Variants in ZNF677 observed in about 807,000 individuals in gnomAD.
ZNF677 encodes the protein zinc finger protein 677, also known as hypothetical protein MGC48625.
ZNF677 carries 5 observed loss-of-function variants against 8.1 expected under a neutral mutation model. The ratio of observed to expected loss-of-function variants is 0.62; its 90% CI spans 0.32 to 1.29. The LOEUF is 1.29. ZNF677 is among the 50% of genes most tolerant of loss of function. ZNF677 has a pLI of 0.05. For synonymous variants in ZNF677, 221 were observed against 225.6 expected, an observed-to-expected ratio of 0.98 and a Z score of 0.18; for missense variants, 685 against 685.9, an observed-to-expected ratio of 1.00 and a Z score of 0.01.
At position 53,235,518 on chromosome 19, in the gene ZNF677, A is replaced by T. The variant is rs2090965782; in HGVS notation, c.*1454T>A. On this transcript the variant is annotated 3_prime_UTR_variant, in exon 5 of 5. Coordinates refer to ENST00000598513, the MANE Select transcript of ZNF677 (RefSeq NM_182609.4). Reference sequence around the variant, plus strand: ...TAAGAACACTACTCTGGTTCTTTTGATGGAACTGTCCTCTATGGTAACCAT... The same window carrying T: ...TAAGAACACTACTCTGGTTCTTTTGTTGGAACTGTCCTCTATGGTAACCAT... 6.6e-6 allele frequency: 1 copy of T among 152,214 alleles called. No homozygotes were observed. Among genetic ancestry groups the T allele is most frequent in the Admixed American group, 6.5e-5 (1 of 15,278 alleles). 9.4% of individuals were successfully genotyped at this position (152,214 alleles called of 1,614,324 possible).
In ZNF677 at chr19:53,237,772, A is replaced by G; in HGVS notation, c.955T>C (p.Tyr319His). ...HQRVHTGEKP[Y>H]QCNICGKVCS... ...ACCTTGCCACATATATTACATTGAT[A>G]TGGTTTCTCTCCTGTATGGACTCTC... Residue 319 changes from tyrosine to histidine, a missense_variant, in exon 5 of 5, where the codon TAT becomes CAT. Coordinates refer to ENST00000598513, the MANE Select transcript of ZNF677 (RefSeq NM_182609.4). 6.2e-7 allele frequency: 1 copy of G among 1,613,374 alleles called. No individual in the cohort carries two copies. Among genetic ancestry groups the G allele is most frequent in the Non-Finnish European group, 8.5e-7 (1 of 1,179,760 alleles).
At chr19:53,240,161 TAC>T (rs775903475) in intron 4 of ZNF677, 8 of 152,262 alleles carry the variant, frequency 5.3e-5, no homozygotes, top group Non-Finnish European at 8.8e-5. Flanking sequence ...AGTCATTCTT[TAC>T]ACAGTGTGTG....
At chr19:53,239,039 T>C (rs1420155972) in intron 4 of ZNF677, 1 of 151,926 alleles carries the variant, frequency 6.6e-6, no homozygotes, top group African/African-American at 2.4e-5. Context: ...AAAGAAAAAA[T>C]TCGGAAGAAT....
intron 1 of ZNF677, among the ~76,000 whole-genome samples, chr19:53,253,523 T>C (rs2091267013): frequency 6.6e-6 from 1 of 152,138 alleles, no homozygotes; most frequent in African/African-American, 2.4e-5. Flanking sequence ...ATCCCGTCTC[T>C]GCTAAAAATA....
intron 3 of ZNF677, among the ~76,000 whole-genome samples, chr19:53,247,829 C>T (rs2091170703): frequency 6.6e-6 from 1 of 152,124 alleles, no homozygotes; most frequent in African/African-American, 2.4e-5. Context: ...CTTTTTACAT[C>T]CTTTTATTAT....
rs1599913460 is a variant in ZNF677, at chr19:53,237,970, A to G, written c.757T>C (p.Tyr253His). Residue 253 changes from tyrosine to histidine, a missense_variant, in exon 5 of 5, where the codon TAT becomes CAT. Physicochemically the swap from Tyr to His is moderately conservative, Grantham distance 83. Transcript: ENST00000598513. ...TTTTCTCTAATGTGTGTTCTCCCATACTGTGTATGTAATAAAGGGTATTTC... is the reference window on the plus strand; with the variant it reads ...TTTTCTCTAATGTGTGTTCTCCCATGCTGTGTATGTAATAAAGGGTATTTC... ...ILKYPLLHTQYGRTHIREKSY... is the reference protein window; with the variant it reads ...ILKYPLLHTQHGRTHIREKSY... The G allele has an allele frequency of 6.2e-7, 1 of 1,612,756 alleles. No homozygotes were observed. The highest frequency in any genetic ancestry group is 1.3e-5 in the African/African-American group (1 of 75,038).
chr19:53,237,337 A>G lies in ZNF677; in HGVS notation c.1390T>C (p.Cys464Arg), dbSNP rs753218520. Residue 464 changes from cysteine to arginine, a missense_variant, in exon 5 of 5, where the codon TGT (cysteine) becomes CGT (arginine). Transcript: ENST00000598513. ...GAACGTTTGATAAAAGCTTTATCACATTTATTACATTTGTAAGGTTTTTCT... is the reference window on the plus strand; with the variant it reads ...GAACGTTTGATAAAAGCTTTATCACGTTTATTACATTTGTAAGGTTTTTCT... Reference protein sequence around the residue: ...TGEKPYKCNKCDKAFIKRSHL... With the variant: ...TGEKPYKCNKRDKAFIKRSHL... 6.8e-6 allele frequency: 11 copies of G among 1,613,658 alleles called. No homozygotes were observed. The highest frequency in any genetic ancestry group is 8.5e-6 in the Non-Finnish European group (10 of 1,179,952).
Position 53,235,886 on chromosome 19 carries a change from A to G in ZNF677, c.*1086T>C, listed in dbSNP as rs985977302. On this transcript the variant is annotated 3_prime_UTR_variant, in exon 5 of 5. Coordinates refer to ENST00000598513, the MANE Select transcript of ZNF677 (RefSeq NM_182609.4). ...GCACAAACCCCCATGCTCTTATAGT[A>G]TATTGTATATTAGTGTTCTTGGCTG... 4 of 152,326 alleles carry G rather than the reference A, an allele frequency of 2.6e-5. No homozygotes were observed. Among genetic ancestry groups the G allele is most frequent in the Admixed American group, 6.6e-5 (1 of 15,264 alleles). The allele number at this position is 152,326 out of a possible 1,614,324, so 9.4% of individuals were successfully genotyped here.
chr19:53,245,324 C>G (rs1913333878), intron 3 of ZNF677, among the ~76,000 whole-genome samples: 1 of 151,918 alleles, frequency 6.6e-6, no homozygotes, highest in African/African-American at 2.4e-5. Flanking sequence ...AAGAAACAAC[C>G]AACAGAACAA....
chr19:53,248,691 T>A (rs1360134874), intron 3 of ZNF677, among the ~76,000 whole-genome samples: 1 of 152,206 alleles, frequency 6.6e-6, no homozygotes, highest in Non-Finnish European at 1.5e-5. Context: ...TTTTTGAGGG[T>A]CACTGTACAT....
intron 3 of ZNF677, among the ~76,000 whole-genome samples, chr19:53,251,006 G>A (rs1462769624): frequency 6.6e-6 from 1 of 152,124 alleles, no homozygotes; most frequent in African/African-American, 2.4e-5. Context: ...CATCCCCAAT[G>A]TCTACTTCTG....
At position 53,238,192 on chromosome 19, in the gene ZNF677, C is replaced by G; in HGVS notation, c.535G>C (p.Ala179Pro). The G allele has an allele frequency of 3.7e-6, 6 of 1,613,728 alleles. No individual in the cohort carries two copies. Among genetic ancestry groups the G allele is most frequent in the Non-Finnish European group, 5.1e-6 (6 of 1,179,868 alleles). Residue 179 changes from alanine to proline, a missense_variant, in exon 5 of 5, where the codon GCC becomes CCC. Physicochemically the swap from Ala to Pro is conservative, Grantham distance 27. Coordinates refer to ENST00000598513, the MANE Select transcript of ZNF677 (RefSeq NM_182609.4). ...LLKLKNNIRYAGNKYVKCFEN... is the reference protein window; with the variant it reads ...LLKLKNNIRYPGNKYVKCFEN... ...AAACACTTCACGTATTTGTTTCCGG[C>G]ATACCTTATGTTATTTTTCAGTTTT...
At chr19:53,252,948 G>A (rs1456811627) in intron 2 of ZNF677, 138 bp downstream of exon 2, 1 of 152,146 alleles carries the variant, frequency 6.6e-6, no homozygotes, top group Admixed American at 6.5e-5. Flanking sequence ...TTGACCAGAA[G>A]TCTACTGAAA....
At chr19:53,246,895 A>G (rs2091152358) in intron 3 of ZNF677, among the ~76,000 whole-genome samples, 1 of 152,182 alleles carries the variant, frequency 6.6e-6, no homozygotes, top group African/African-American at 2.4e-5. Flanking sequence ...GAAATAATAA[A>G]GACAGCAAGA....
At chr19:53,251,683 C>A in intron 2 of ZNF677, 78 bp from the exon 3 acceptor site, 1 of 1,007,644 alleles carries the variant, frequency 9.9e-7, no homozygotes, top group South Asian at 1.7e-5. Flanking sequence ...CAGGAAGAGG[C>A]TTGATATAGA....
intron 1 of ZNF677, among the ~76,000 whole-genome samples, chr19:53,253,682 G>A (rs1362347421): frequency 1.3e-5 from 2 of 151,208 alleles, no homozygotes; most frequent in East Asian, 2.0e-4. Flanking sequence ...GTGAGACTCC[G>A]TCTCAAAAAA....
At chr19:53,249,468 G>C (rs2091199756) in intron 3 of ZNF677, 2 of 152,188 alleles carry the variant, frequency 1.3e-5, no homozygotes, top group African/African-American at 4.8e-5. Flanking sequence ...AACTCAAGCT[G>C]TCTCTGTTTA....
intron 4 of ZNF677, chr19:53,243,346 G>A (rs1331739890): frequency 1.7e-5 from 3 of 177,510 alleles, no homozygotes; most frequent in Non-Finnish European, 2.9e-5. Flanking sequence ...CATTACACAT[G>A]GGTCTGCAAA....
At chr19:53,241,968 G>C in intron 4 of ZNF677, 1 of 363,840 alleles carries the variant, frequency 2.7e-6, no homozygotes, top group Non-Finnish European at 4.7e-6. Flanking sequence ...TTTTGCTCTT[G>C]TTGCCCAGGC....
Sources: allele counts gnomAD v4.1 joint callset (sites outside exome capture counted in the v4.1 genomes callset), GRCh38; gene constraint gnomAD v4.1.1; transcripts MANE v1.5; gene names NCBI Gene and HGNC (gene_info 2026-07-23, HGNC 2026-07-21).